AK8: variants seen among roughly 807,000 people sequenced by gnomAD.
The protein encoded by AK8 is ATP-AMP transphosphorylase 8.
Under a neutral mutation model 54.6 loss-of-function variants are expected in AK8, and 44 were observed. The observed-to-expected ratio is 0.81, with a 90% CI of 0.63 to 1.04. The LOEUF (loss-of-function observed/expected upper bound fraction) is 1.04. Ranked by LOEUF, AK8 falls within the 50% of genes least tolerant of loss-of-function variation. The pLI, the probability that AK8 is intolerant of heterozygous loss-of-function variation, is 0.00. For missense variants in AK8, 555 were observed against 613.6 expected (o/e 0.90, Z 1.01); for synonymous variants, 239 against 245.6 (o/e 0.97, Z 0.25).
intron 9 of AK8, among the ~76,000 whole-genome samples, chr9:132,816,650 T>C (rs1300433658): frequency 2.6e-5 from 4 of 152,176 alleles, no homozygotes; most frequent in Admixed American, 1.3e-4. Context: ...ACTTCTCTTA[T>C]AGAAAGCTGT....
chr9:132,823,618 T>C (rs1841748106), intron 8 of AK8, among the ~76,000 whole-genome samples: 1 of 152,212 alleles, frequency 6.6e-6, no homozygotes, highest in African/African-American at 2.4e-5. Context: ...GGTGTCTGCA[T>C]TTCCTTCCAG....
At chr9:132,854,183 G>T (rs1183942275) in intron 5 of AK8, among the ~76,000 whole-genome samples, 1 of 152,186 alleles carries the variant, frequency 6.6e-6, no homozygotes, top group African/African-American at 2.4e-5. Context: ...CTCGGTGACA[G>T]AGCAAGACCC....
rs1295234721 is a variant in AK8 at position 132,770,653 on chromosome 9, G to A, written c.1121+21981C>T. On this transcript the variant is annotated intron_variant, in intron 11 of 12. Transcript: ENST00000298545. The surrounding 1 kb of genome is among the most constrained non-coding windows in gnomAD (Gnocchi z 4.3). Reference sequence around the variant, plus strand: ...GACCTGGGGCAGCGCGGTGGGCAGCGGGCTGGGCCGAGATCGAGACCGGGA... The same window carrying A: ...GACCTGGGGCAGCGCGGTGGGCAGCAGGCTGGGCCGAGATCGAGACCGGGA... 6.6e-6 allele frequency among the ~76,000 whole-genome samples: 1 copy of A among 152,210 alleles called. No homozygotes were observed. Among genetic ancestry groups the A allele is most frequent in the Admixed American group, 6.5e-5 (1 of 15,288 alleles).
Position 132,826,706 on chromosome 9 carries a change from A to C in AK8, c.757+148T>G. ...TGCACACATGCATTTCTGGGCAGGG[A>C]ACCCGGGTCATCTATGTCTTGACTT... is the stretch of plus-strand genomic sequence containing the variant. On this transcript the variant is annotated intron_variant, in intron 8 of 12. Coordinates refer to ENST00000298545, the MANE Select transcript of AK8 (RefSeq NM_152572.3). The surrounding 1 kb of genome is among the most constrained non-coding windows in gnomAD (Gnocchi z 4.5). 1 of 918,824 alleles carries C rather than the reference A, an allele frequency of 1.1e-6. No individual in the cohort carries two copies. The highest frequency in any genetic ancestry group is 1.6e-6 in the Non-Finnish European group (1 of 612,614). The allele number at this position is 918,824 out of a possible 1,614,324, so 56.9% of individuals were successfully genotyped here.
In AK8 at chr9:132,781,767, G is replaced by A. The variant is rs979886578; in HGVS notation, c.1121+10867C>T. ...GTGTTTTATAATTGGCATCACAACC[G>A]AACCAGAATTACAGTCCTGATAGTC... On this transcript the variant is annotated intron_variant, in intron 11 of 12. Coordinates refer to ENST00000298545, the MANE Select transcript of AK8 (RefSeq NM_152572.3). This position sits in a 1 kb window ranked among gnomAD's most constrained non-coding sequence, Gnocchi z 4.6. Among the ~76,000 whole-genome samples, 16 of 152,244 alleles carry A rather than the reference G, an allele frequency of 1.1e-4. No individual in the cohort carries two copies. Among genetic ancestry groups the A allele is most frequent in the Non-Finnish European group, 2.9e-5 (2 of 68,020 alleles).
chr9:132,874,136 A>G (rs1322773283), intron 2 of AK8, among the ~76,000 whole-genome samples: 2 of 152,212 alleles, frequency 1.3e-5, no homozygotes, highest in African/African-American at 4.8e-5. Context: ...CCAGAGGCTC[A>G]GAAAAGGGCC....
rs930681320 is a variant in AK8, at chr9:132,791,468, T to C, written c.1121+1166A>G. Among the ~76,000 whole-genome samples, 1 of 152,240 alleles carries C rather than the reference T, an allele frequency of 6.6e-6. No homozygotes were observed. The highest frequency in any genetic ancestry group is 1.5e-5 in the Non-Finnish European group (1 of 68,044). ...AAGGCAATTCCAGCTAAAATTTCAA[T>C]GGCAGTTTCTTTTTGTACATGATAA... On this transcript the variant is annotated intron_variant, in intron 11 of 12. Coordinates refer to ENST00000298545, the MANE Select transcript of AK8 (RefSeq NM_152572.3). This position sits in a 1 kb window ranked among gnomAD's most constrained non-coding sequence, Gnocchi z 4.0.
chr9:132,819,133 C>T (rs1046921031), intron 9 of AK8, among the ~76,000 whole-genome samples: 3 of 152,124 alleles, frequency 2.0e-5, no homozygotes, highest in Admixed American at 6.5e-5. Context: ...ATAGTTTCTA[C>T]ACTCATGGAT....
At chr9:132,830,356 C>T (rs1248113306) in intron 5 of AK8, among the ~76,000 whole-genome samples, 3 of 152,132 alleles carry the variant, frequency 2.0e-5, no homozygotes, top group South Asian at 4.1e-4. Flanking sequence ...TTTGCCACAT[C>T]GCTCTACAAA....
In AK8 at chr9:132,875,117, T is replaced by C; in HGVS notation, c.167A>G (p.Asn56Ser). The change falls in exon 2 of 13, where the codon AAT becomes AGT. Residue 56 changes from asparagine to serine, a missense_variant and splice_region_variant. Asn to Ser is a conservative substitution (Grantham distance 46, BLOSUM62 1). Coordinates refer to ENST00000298545, the MANE Select transcript of AK8 (RefSeq NM_152572.3). ...GAAGAGCCCCAGCCAGTGCTCACCA[T>C]TGTCGTTGTCTCTATGCAAGTGCTG... ...MIQHLHRDND[N>S]VPRIVILGPP... 1.2e-6 allele frequency: 2 copies of C among 1,614,018 alleles called. No homozygotes were observed. The highest frequency in any genetic ancestry group is 1.7e-6 in the Non-Finnish European group (2 of 1,179,964).
At chr9:132,847,241 A>T (rs1037909181) in intron 5 of AK8, among the ~76,000 whole-genome samples, 1 of 152,232 alleles carries the variant, frequency 6.6e-6, no homozygotes, top group Admixed American at 6.5e-5. Flanking sequence ...AGGAAATCTG[A>T]AAAGGGAAAG....
intron 10 of AK8, among the ~76,000 whole-genome samples, chr9:132,811,787 A>G (rs1183368616): frequency 6.6e-6 from 1 of 152,242 alleles, no homozygotes; most frequent in Non-Finnish European, 1.5e-5. Flanking sequence ...TAAGATCACC[A>G]GGGATGTTTC....
chr9:132,739,971 T>C (rs1837293355), intron 11 of AK8, among the ~76,000 whole-genome samples: 2 of 152,230 alleles, frequency 1.3e-5, no homozygotes, highest in South Asian at 4.1e-4. Context: ...GGCATGCTGG[T>C]AAACCAGCTT....
At position 132,738,093 on chromosome 9, in the gene AK8, G is replaced by A. The variant is rs568223686; in HGVS notation, c.1122-10559C>T. On this transcript the variant is annotated intron_variant, in intron 11 of 12. Transcript: ENST00000298545. Reference sequence around the variant, plus strand: ...TTTTGAGACAGAGTCTCACTCTGTCGCCCAGGCTGCAGTGCAGTGGCACAA... The same window carrying A: ...TTTTGAGACAGAGTCTCACTCTGTCACCCAGGCTGCAGTGCAGTGGCACAA... Among the ~76,000 whole-genome samples, 664 of 150,686 alleles carry A rather than the reference G, an allele frequency of 4.4e-3. 3 individuals carry two copies. The highest frequency in any genetic ancestry group is 6.7e-3 in the Non-Finnish European group (455 of 67,798).
At chr9:132,843,891 C>A (rs1403189291) in intron 5 of AK8, among the ~76,000 whole-genome samples, 1 of 151,976 alleles carries the variant, frequency 6.6e-6, no homozygotes. Flanking sequence ...CTTTAAAAAG[C>A]CATCCTTCCA....
chr9:132,762,248 T>C (rs1838511568), intron 11 of AK8, among the ~76,000 whole-genome samples: 1 of 152,228 alleles, frequency 6.6e-6, no homozygotes. Flanking sequence ...ACTTTTGCTC[T>C]ACCCAAGCTC....
At chr9:132,806,469 T>C (rs1009109883) in intron 10 of AK8, among the ~76,000 whole-genome samples, 2 of 152,152 alleles carry the variant, frequency 1.3e-5, no homozygotes, top group African/African-American at 2.4e-5. Context: ...ACACACCGCA[T>C]GCAAAGGCTT....
At chr9:132,805,450 C>T (rs1840676933) in intron 10 of AK8, among the ~76,000 whole-genome samples, 1 of 152,198 alleles carries the variant, frequency 6.6e-6, no homozygotes, top group Admixed American at 6.5e-5. Flanking sequence ...CTTGGGGAGA[C>T]AATGTTGTCG....
At chr9:132,864,081 GT>G (rs1429800997) in intron 3 of AK8, among the ~76,000 whole-genome samples, 1 of 152,210 alleles carries the variant, frequency 6.6e-6, no homozygotes, top group Non-Finnish European at 1.5e-5. Context: ...TGGACCATGA[GT>G]TTCATCTCAA....
Sources: allele counts gnomAD v4.1 joint callset (sites outside exome capture counted in the v4.1 genomes callset), GRCh38; gene constraint gnomAD v4.1.1; non-coding constraint Gnocchi (gnomAD v3.1); transcripts MANE v1.5; gene names NCBI Gene and HGNC (gene_info 2026-07-23, HGNC 2026-07-21).